Variants in DLG2 observed in about 807,000 individuals in gnomAD.
The protein encoded by DLG2 is discs large MAGUK scaffold protein 2, also known as disks large homolog 2.
Under a neutral mutation model 132.5 loss-of-function variants are expected in DLG2, and 45 were observed. The observed-to-expected ratio is 0.34, with a 90% CI of 0.27 to 0.44. The LOEUF (loss-of-function observed/expected upper bound fraction) is 0.44, where lower values mean the gene tolerates loss of function less well. Among genes scored for constraint, DLG2 ranks in the 20% least tolerant of loss-of-function variants. The pLI is 1.00. For missense variants in DLG2, 1,045 were observed against 1,196.9 expected (o/e 0.87, Z 1.87); for synonymous variants, 424 against 419.6 (o/e 1.01, Z -0.13).
At chr11:84,784,325 T>G (rs2072427147) in intron 6 of DLG2, among the ~76,000 whole-genome samples, 1 of 122,564 alleles carries the variant, frequency 8.2e-6, no homozygotes, top group Non-Finnish European at 1.6e-5. Context: ...CACCTCAAAA[T>G]AAATAAATAA....
rs149848927 is a variant in DLG2, at chr11:84,940,173, T to C, written c.357+171488A>G. ...TAGTTGTGATTTGCATTTTTTTAAA[T>C]GGACTCTTGCTCTGTCTCCCAGGCT... On this transcript the variant is annotated intron_variant, in intron 6 of 27. Transcript: ENST00000376104. Among the ~76,000 whole-genome samples, 712 of 152,312 alleles carry C rather than the reference T, an allele frequency of 4.7e-3. 7 individuals are homozygous for C. The highest frequency in any genetic ancestry group is 0.015 in the African/African-American group (642 of 41,580).
At chr11:85,398,372 G>A (rs951778158) in intron 3 of DLG2, among the ~76,000 whole-genome samples, 1 of 152,074 alleles carries the variant, frequency 6.6e-6, no homozygotes, top group African/African-American at 2.4e-5. Flanking sequence ...AAAAGAACTA[G>A]AGAAGCTGGA....
intron 4 of DLG2, among the ~76,000 whole-genome samples, chr11:85,253,071 T>A (rs1161974593): frequency 6.6e-6 from 1 of 152,246 alleles, no homozygotes; most frequent in Non-Finnish European, 1.5e-5. Flanking sequence ...AATTACTTCC[T>A]ATCTCTGAGG....
intron 4 of DLG2, among the ~76,000 whole-genome samples, chr11:85,240,861 C>T (rs77068007): frequency 6.6e-6 from 1 of 151,590 alleles, no homozygotes; most frequent in Non-Finnish European, 1.5e-5. Context: ...TAGTGGTAAG[C>T]CATACCTCTT....
At chr11:85,382,906 T>C (rs1195098054) in intron 3 of DLG2, among the ~76,000 whole-genome samples, 1 of 152,086 alleles carries the variant, frequency 6.6e-6, no homozygotes, top group Non-Finnish European at 1.5e-5. Flanking sequence ...GTGCAGTGGC[T>C]TTGGAAAAAG....
intron 6 of DLG2, among the ~76,000 whole-genome samples, chr11:85,020,164 C>A (rs2059918699): frequency 6.6e-6 from 1 of 152,172 alleles, no homozygotes; most frequent in East Asian, 1.9e-4. Flanking sequence ...GCCATTCTAA[C>A]TGGTGTGAGA....
At chr11:84,448,444 T>C (rs1373329673) in intron 7 of DLG2, among the ~76,000 whole-genome samples, 1 of 152,070 alleles carries the variant, frequency 6.6e-6, no homozygotes, top group Non-Finnish European at 1.5e-5. Context: ...TTGATGAAGT[T>C]GTATTTTTGC....
At chr11:84,520,497 A>C (rs2099293434) in intron 7 of DLG2, among the ~76,000 whole-genome samples, 1 of 152,150 alleles carries the variant, frequency 6.6e-6, no homozygotes, top group Non-Finnish European at 1.5e-5. Flanking sequence ...AACTCCATTA[A>C]TGTAGCCTAA....
At position 84,442,612 on chromosome 11, in the gene DLG2, C is replaced by T. The variant is rs569710398; in HGVS notation, c.519+91958G>A. Among the ~76,000 whole-genome samples the T allele has an allele frequency of 4.2e-4, 64 of 151,750 alleles. 1 individual carries two copies. Among genetic ancestry groups the T allele is most frequent in the East Asian group, 1.6e-3 (8 of 5,152 alleles). ...AGTTGATGGGTGCAGCAAACCACCA[C>T]GGCACATGTATACCTATCTAACAAA... On this transcript the variant is annotated intron_variant, in intron 7 of 27. Coordinates refer to ENST00000376104, the MANE Select transcript of DLG2 (RefSeq NM_001142699.3).
intron 21 of DLG2, among the ~76,000 whole-genome samples, chr11:83,499,270 A>C (rs1038082745): frequency 6.6e-6 from 1 of 152,156 alleles, no homozygotes; most frequent in Non-Finnish European, 1.5e-5. Flanking sequence ...ACTACAAACC[A>C]AGGTGTCTTA....
At chr11:84,564,036 G>A (rs540646965) in intron 6 of DLG2, among the ~76,000 whole-genome samples, 4 of 152,092 alleles carry the variant, frequency 2.6e-5, no homozygotes, top group South Asian at 2.1e-4. Flanking sequence ...AGTCTCACTC[G>A]CTTATATTCT....
intron 7 of DLG2, among the ~76,000 whole-genome samples, chr11:84,384,043 C>A (rs537913693): frequency 5.4e-5 from 8 of 147,938 alleles, no homozygotes; most frequent in Middle Eastern, 3.5e-3. Context: ...ATTTCAAGAG[C>A]AGTTACTGTG....
At chr11:84,490,448 A>G (rs1014386366) in intron 7 of DLG2, among the ~76,000 whole-genome samples, 1 of 152,100 alleles carries the variant, frequency 6.6e-6, no homozygotes, top group African/African-American at 2.4e-5. Context: ...CTGATTGAAC[A>G]ATATCCTTAT....
chr11:85,342,165 T>C (rs1210863710), intron 3 of DLG2, among the ~76,000 whole-genome samples: 1 of 152,176 alleles, frequency 6.6e-6, no homozygotes, highest in Admixed American at 6.5e-5. Context: ...TTAATATAAC[T>C]TTTTTGCTTT....
At chr11:85,619,655 G>A (rs2081567439) in intron 2 of DLG2, among the ~76,000 whole-genome samples, 1 of 152,012 alleles carries the variant, frequency 6.6e-6, no homozygotes, top group East Asian at 1.9e-4. Context: ...CCAACATGGT[G>A]AAATCCCCTC....
intron 4 of DLG2, among the ~76,000 whole-genome samples, chr11:85,155,156 T>A (rs561924630): frequency 6.6e-6 from 1 of 152,174 alleles, no homozygotes; most frequent in East Asian, 1.9e-4. Flanking sequence ...TTACTGACCA[T>A]TATAAAACAG....
chr11:84,393,402 A>G (rs1191662249), intron 7 of DLG2, among the ~76,000 whole-genome samples: 2 of 151,982 alleles, frequency 1.3e-5, no homozygotes, highest in Non-Finnish European at 2.9e-5. Context: ...CTGTCTGTCT[A>G]CAGCTAAGCA....
chr11:84,335,411 G>T (rs572333772), intron 7 of DLG2, among the ~76,000 whole-genome samples: 1 of 152,274 alleles, frequency 6.6e-6, no homozygotes, highest in East Asian at 1.9e-4. Flanking sequence ...CTCTGATTTT[G>T]ATAGTAAGGT....
At chr11:83,968,239 T>C (rs1020362196) in intron 12 of DLG2, among the ~76,000 whole-genome samples, 5 of 152,204 alleles carry the variant, frequency 3.3e-5, no homozygotes, top group Non-Finnish European at 5.9e-5. Flanking sequence ...CATGTTGCTA[T>C]GTAAGTTCCA....
Sources: allele counts gnomAD v4.1 joint callset (sites outside exome capture counted in the v4.1 genomes callset), GRCh38; gene constraint gnomAD v4.1.1; transcripts MANE v1.5; gene names NCBI Gene and HGNC (gene_info 2026-07-23, HGNC 2026-07-21).